Variants in RBFOX1 observed in about 807,000 individuals in gnomAD.
RBFOX1 encodes RNA binding fox-1 homolog 1, also known as RNA binding protein fox-1 homolog 1.
A neutral mutation model predicts 57.7 loss-of-function variants in RBFOX1; 8 were observed. The observed-to-expected ratio is 0.14, with a 90% confidence interval of 0.08 to 0.25. The LOEUF is 0.25. Among genes scored for constraint, RBFOX1 ranks in the 10% least tolerant of loss-of-function variants. The pLI is 1.00. For missense variants in RBFOX1, 611 were observed against 548.5 expected, an observed-to-expected ratio of 1.11 and a Z score of -1.14; for synonymous variants, 326 against 222.4, an observed-to-expected ratio of 1.47 and a Z score of -4.15.
At chr16:6,710,063 A>C in intron 3 of RBFOX1, among the ~76,000 whole-genome samples, 1 of 152,116 alleles carries the variant, frequency 6.6e-6, no homozygotes. Context: ...GTGTTGCAAG[A>C]GGTGATTTGC....
At chr16:6,626,305 G>A (rs1214432145) in intron 2 of RBFOX1, among the ~76,000 whole-genome samples, 1 of 152,116 alleles carries the variant, frequency 6.6e-6, no homozygotes, top group East Asian at 1.9e-4. Flanking sequence ...TAGAGGCCCA[G>A]GTCACCCATG....
chr16:7,223,642 T>A (rs1051305500), intron 4 of RBFOX1, among the ~76,000 whole-genome samples: 1 of 151,728 alleles, frequency 6.6e-6, no homozygotes, highest in African/African-American at 2.4e-5. Flanking sequence ...GCTATTTATT[T>A]CAGTGTCTTA....
chr16:5,472,770 C>G (rs1278395081), intron 2 of RBFOX1, among the ~76,000 whole-genome samples: 1 of 152,166 alleles, frequency 6.6e-6, no homozygotes, highest in East Asian at 1.9e-4. Flanking sequence ...AGTGTCAGCT[C>G]ATAATTACCA....
intron 3 of RBFOX1, among the ~76,000 whole-genome samples, chr16:6,698,752 C>A (rs1285049790): frequency 1.3e-5 from 2 of 152,144 alleles, no homozygotes; most frequent in Admixed American, 1.3e-4. Flanking sequence ...TTGTTCTGCC[C>A]TGTTTTCCTC....
chr16:6,858,895 G>C (rs2058384952), intron 3 of RBFOX1, among the ~76,000 whole-genome samples: 2 of 151,654 alleles, frequency 1.3e-5, no homozygotes, highest in Non-Finnish European at 2.9e-5. Context: ...TATAACTACA[G>C]TATCATGTGG....
chr16:7,516,626 A>C (rs2076415010), intron 4 of RBFOX1, among the ~76,000 whole-genome samples: 1 of 152,216 alleles, frequency 6.6e-6, no homozygotes, highest in South Asian at 2.1e-4. Context: ...TAGAAAGAGA[A>C]AGAAATGCTC....
intron 3 of RBFOX1, among the ~76,000 whole-genome samples, chr16:5,732,010 C>T (rs1397081980): frequency 6.6e-6 from 1 of 152,148 alleles, no homozygotes; most frequent in Admixed American, 6.5e-5. Flanking sequence ...CTGGGCATCC[C>T]CTTGCAAGAC....
At chr16:6,566,438 T>C (rs1016726488) in intron 2 of RBFOX1, among the ~76,000 whole-genome samples, 31 of 152,170 alleles carry the variant, frequency 2.0e-4, no homozygotes, top group Admixed American at 3.9e-4. Context: ...ATTTTTTTTT[T>C]CTTCTCTTCT....
chr16:7,475,967 A>G (rs1293142191), intron 4 of RBFOX1, among the ~76,000 whole-genome samples: 1 of 151,784 alleles, frequency 6.6e-6, no homozygotes, highest in South Asian at 2.1e-4. Flanking sequence ...ATTTTATTTT[A>G]TTTATTTTTT....
At chr16:5,837,791 G>C (rs12923703) in intron 3 of RBFOX1, among the ~76,000 whole-genome samples, 1 of 151,762 alleles carries the variant, frequency 6.6e-6, no homozygotes, top group African/African-American at 2.4e-5. Context: ...TTCCCTGAAG[G>C]CAGGGTGCTT....
intron 1 of RBFOX1, among the ~76,000 whole-genome samples, chr16:6,143,239 C>G (rs549378549): frequency 6.6e-6 from 1 of 152,288 alleles, no homozygotes; most frequent in East Asian, 1.9e-4. Flanking sequence ...AGTGGAATTG[C>G]ATGTTTCTAT....
rs576765968 is a variant in RBFOX1, at chr16:5,375,085, C to CAAA, written c.220-92105_220-92103dup. Among the ~76,000 whole-genome samples the CAAA allele has an allele frequency of 9.9e-3, 367 of 37,092 alleles. 55 individuals are homozygous for CAAA. The highest frequency in any genetic ancestry group is 0.046 in the African/African-American group (339 of 7,344). 24.3% of individuals were successfully genotyped at this position (37,092 alleles called of 152,430 possible). ...GTGGTAGAAACAGATTTTAAATGGC[C>CAAA]AAAAAAAAAAAAAAAAAAAAAAAAA... On this transcript the variant is annotated intron_variant, in intron 1 of 2. Transcript: ENST00000585867.
At chr16:6,957,959 A>T (rs1449747599) in intron 3 of RBFOX1, among the ~76,000 whole-genome samples, 1 of 152,078 alleles carries the variant, frequency 6.6e-6, no homozygotes, top group Non-Finnish European at 1.5e-5. Context: ...CACTTCCAGC[A>T]TATTCTCTTG....
intron 1 of RBFOX1, among the ~76,000 whole-genome samples, chr16:5,396,309 T>C (rs2066553902): frequency 6.6e-6 from 1 of 152,054 alleles, no homozygotes; most frequent in Admixed American, 6.6e-5. Context: ...TATCCTGTAG[T>C]AGTGAATCAA....
intron 1 of RBFOX1, among the ~76,000 whole-genome samples, chr16:6,275,077 A>C (rs937002994): frequency 2.0e-5 from 3 of 152,156 alleles, no homozygotes; most frequent in African/African-American, 7.2e-5. Context: ...CACCTATCCC[A>C]CTGCAAGACA....
chr16:5,580,082 C>T (rs2046612021), intron 2 of RBFOX1, among the ~76,000 whole-genome samples: 1 of 152,128 alleles, frequency 6.6e-6, no homozygotes, highest in Non-Finnish European at 1.5e-5. Flanking sequence ...GCAGTTAATT[C>T]TTTATCTGCT....
chr16:7,366,684 C>T (rs936195444), intron 4 of RBFOX1, among the ~76,000 whole-genome samples: 3 of 151,692 alleles, frequency 2.0e-5, no homozygotes, highest in Admixed American at 2.0e-4. Context: ...TTTGTCAAGC[C>T]TGCATTGTGC....
At chr16:5,411,577 T>G (rs1330242876) in intron 1 of RBFOX1, among the ~76,000 whole-genome samples, 5 of 152,170 alleles carry the variant, frequency 3.3e-5, no homozygotes. Flanking sequence ...AGACACTAAG[T>G]TTGTGGCAAT....
At chr16:7,389,823 A>C (rs745665728) in intron 4 of RBFOX1, among the ~76,000 whole-genome samples, 40 of 152,160 alleles carry the variant, frequency 2.6e-4, no homozygotes, top group Non-Finnish European at 4.7e-4. Context: ...CTTGATATGC[A>C]TACAATCTTT....
Sources: allele counts gnomAD v4.1 joint callset (sites outside exome capture counted in the v4.1 genomes callset), GRCh38; gene constraint gnomAD v4.1.1; transcripts MANE v1.5; gene names NCBI Gene and HGNC (gene_info 2026-07-23, HGNC 2026-07-21).